KNOP1: variants seen among roughly 807,000 people sequenced by gnomAD.
KNOP1 encodes lysine-rich nucleolar protein 1.
Under a neutral mutation model 30.6 loss-of-function variants are expected in KNOP1, and 20 were observed. That is an observed-to-expected ratio of 0.65 (90% CI 0.46 to 0.95). The LOEUF (loss-of-function observed/expected upper bound fraction) is 0.95. KNOP1 is among the 40% of genes least tolerant of loss of function. The pLI, the probability that KNOP1 is intolerant of heterozygous loss-of-function variation, is 0.00. For synonymous variants in KNOP1, 204 were observed against 210.0 expected (o/e 0.97, Z 0.25); for missense variants, 540 against 562.0 (o/e 0.96, Z 0.40).
In KNOP1 at chr16:19,704,573, C is replaced by T. The variant is rs146046569; in HGVS notation, c.*2337G>A. ...GCCACCACACTCCAGCCTGCGCGAC[C>T]GTGAGACTCCATCTCAAAAAAAAAG... On this transcript the variant is annotated 3_prime_UTR_variant, in exon 5 of 5. Coordinates refer to ENST00000219837, the MANE Select transcript of KNOP1 (RefSeq NM_001012991.3). 1,171 of 152,244 alleles carry T rather than the reference C, an allele frequency of 7.7e-3. 13 individuals carry two copies. The highest frequency in any genetic ancestry group is 0.027 in the African/African-American group (1,103 of 41,532). The allele number at this position is 152,244 out of a possible 1,614,324, so 9.4% of individuals were successfully genotyped here.
Position 19,714,426 on chromosome 16 carries a change from T to G in KNOP1, c.610A>C (p.Ser204Arg). Residue 204 changes from serine (S) to arginine (R), a missense_variant, in exon 2 of 5, where the codon AGC becomes CGC. Physicochemically the swap from Ser to Arg is moderately radical, Grantham distance 110 (BLOSUM62 -1). Coordinates refer to ENST00000219837, the MANE Select transcript of KNOP1 (RefSeq NM_001012991.3). ...ACCTTCCCATTGTGTTCTCTGGGGC[T>G]CTTCCGCTTCCGTTTCTGCCCCAAG... ...AALGQKRKRK[S>R]PREHNGKVKK... 6.2e-7 allele frequency: 1 copy of G among 1,613,970 alleles called. No individual in the cohort carries two copies.
chr16:19,709,031 A>G (rs969614133), intron 4 of KNOP1, among the ~76,000 whole-genome samples: 3 of 152,100 alleles, frequency 2.0e-5, no homozygotes, highest in Non-Finnish European at 2.9e-5. Flanking sequence ...GCTCCGAATC[A>G]CACTGCCTTT....
intron 3 of KNOP1, among the ~76,000 whole-genome samples, chr16:19,711,022 A>G (rs1489594294): frequency 1.3e-5 from 2 of 152,204 alleles, no homozygotes; most frequent in African/African-American, 4.8e-5. Flanking sequence ...ATTCACAACA[A>G]AACTTCTCCT....
intron 1 of KNOP1, among the ~76,000 whole-genome samples, chr16:19,715,958 T>C (rs1977038371): frequency 6.6e-6 from 1 of 152,096 alleles, no homozygotes; most frequent in Non-Finnish European, 1.5e-5. Context: ...TCCCAAAATA[T>C]TTCATAGCAA....
In KNOP1 at chr16:19,705,493, C is replaced by A. The variant is rs1486294765; in HGVS notation, c.*1417G>T. On this transcript the variant is annotated 3_prime_UTR_variant, in exon 5 of 5. Coordinates refer to ENST00000219837, the MANE Select transcript of KNOP1 (RefSeq NM_001012991.3). ...AACGCTGTCCCCACAGCCGATGAGGCAACTTCCCGTGTCATCTCCACACGT... is the reference window on the plus strand; with the variant it reads ...AACGCTGTCCCCACAGCCGATGAGGAAACTTCCCGTGTCATCTCCACACGT... The A allele has an allele frequency of 3.2e-6, 1 of 316,720 alleles. No homozygotes were observed. Among genetic ancestry groups the A allele is most frequent in the Non-Finnish European group, 6.2e-6 (1 of 160,260 alleles). The allele number at this position is 316,720 out of a possible 1,614,324, so 19.6% of individuals were successfully genotyped here.
At chr16:19,712,421 G>T (rs892213464) in intron 2 of KNOP1, among the ~76,000 whole-genome samples, 1 of 152,068 alleles carries the variant, frequency 6.6e-6, no homozygotes. Context: ...TGGGGTTTAT[G>T]CTAATGGAAA....
chr16:19,709,012 G>A (rs1025800711), intron 4 of KNOP1, among the ~76,000 whole-genome samples: 2 of 152,100 alleles, frequency 1.3e-5, no homozygotes, highest in African/African-American at 2.4e-5. Context: ...ACAGCCCCCC[G>A]GGACATCGGC....
chr16:19,714,469 C>T lies in KNOP1; in HGVS notation c.567G>A (p.Lys189=), dbSNP rs1567519021. 3.1e-6 allele frequency: 5 copies of T among 1,614,146 alleles called. No individual in the cohort carries two copies. In the East Asian group the frequency reaches 8.9e-5, roughly 29 times the overall value. Reference sequence around the variant, plus strand: ...GCCCCAAGGCTGCCTGTTCCTCATCCTTCTTCCCCACTGAGCAAGTGTCCC... The same window carrying T: ...GCCCCAAGGCTGCCTGTTCCTCATCTTTCTTCCCCACTGAGCAAGTGTCCC... ...DVGDTCSVGK[K]DEEQAALGQK... Residue 189 remains lysine (K), a synonymous_variant, in exon 2 of 5, where the codon AAG becomes AAA. Coordinates refer to ENST00000219837, the MANE Select transcript of KNOP1 (RefSeq NM_001012991.3).
rs766142418 is a variant in KNOP1 at position 19,714,361 on chromosome 16, G to A, written c.675C>T (p.Leu225=). The A allele has an allele frequency of 1.2e-5, 20 of 1,613,986 alleles. No homozygotes were observed. Among genetic ancestry groups the A allele is most frequent in the Non-Finnish European group, 1.7e-5 (20 of 1,179,992 alleles). Residue 225 remains leucine (L), a synonymous_variant, in exon 2 of 5, where the codon CTC becomes CTT. Transcript: ENST00000219837. ...KKKIHQEGDA[L]PGHSKPSRSM... ...ACCTGGAGGGCTTGGAGTGGCCTGG[G>A]AGGGCATCTCCCTCCTGGTGGATTT...
chr16:19,714,752 TTC>T lies in KNOP1; in HGVS notation c.282_283del (p.Lys95ValfsTer22). The T allele has an allele frequency of 6.2e-7, 1 of 1,614,208 alleles. No individual in the cohort carries two copies. Among genetic ancestry groups the T allele is most frequent in the Non-Finnish European group, 8.5e-7 (1 of 1,180,040 alleles). On this transcript the variant is annotated frameshift_variant, in exon 2 of 5. Coordinates refer to ENST00000219837, the MANE Select transcript of KNOP1 (RefSeq NM_001012991.3). LOFTEE classifies it high-confidence loss of function. ...CACCTGCTTCCTGAGGCTGGGTGACTTCTCTGTCCGTCTAGCAGGCAGCGTGG... is the reference window on the plus strand; with the variant it reads ...CACCTGCTTCCTGAGGCTGGGTGACTTCTGTCCGTCTAGCAGGCAGCGTGG...
intron 1 of KNOP1, chr16:19,717,411 G>A (rs1977209707): frequency 2.0e-6 from 2 of 985,444 alleles, no homozygotes. Context: ...AGTCAAGAGA[G>A]CCAAGACGAC....
intron 4 of KNOP1, among the ~76,000 whole-genome samples, chr16:19,708,366 C>T (rs1047858906): frequency 9.9e-5 from 15 of 152,048 alleles, no homozygotes; most frequent in African/African-American, 3.6e-4. Context: ...AACTCACCTC[C>T]CAAGAAGACT....
In KNOP1 at chr16:19,711,793, C is replaced by A. The variant is rs546700387; in HGVS notation, c.919-353G>T. 4.1e-5 allele frequency: 13 copies of A among 320,116 alleles called. No individual in the cohort carries two copies. In the South Asian group the frequency reaches 4.1e-4, roughly 10 times the overall value. The allele number at this position is 320,116 out of a possible 1,614,324, so 19.8% of individuals were successfully genotyped here. A position where few individuals can be genotyped will look rare whatever the true frequency, so the allele number is the denominator to read the frequency against. ...CCTTTCCCACTACACACGTCACCTA[C>A]CTCCTACGGTGACACCAAACTACAG... is the stretch of plus-strand genomic sequence containing the variant. On this transcript the variant is annotated intron_variant, in intron 2 of 4. Transcript: ENST00000219837.
chr16:19,709,701 C>T (rs1009856620), intron 4 of KNOP1, among the ~76,000 whole-genome samples: 1 of 149,882 alleles, frequency 6.7e-6, no homozygotes, highest in African/African-American at 2.6e-5. Flanking sequence ...ACGCTCTTCC[C>T]CCTGTCTCCT....
chr16:19,711,340 C>T (rs1428025585), intron 3 of KNOP1, 32 bp downstream of exon 3: 10 of 1,609,424 alleles, frequency 6.2e-6, no homozygotes, highest in Middle Eastern at 1.9e-4. Flanking sequence ...CAGGAGGCAG[C>T]GGGAGGGGCC....
chr16:19,704,889 A>G lies in KNOP1; in HGVS notation c.*2021T>C. The G allele has an allele frequency of 3.6e-6, 1 of 280,022 alleles. No homozygotes were observed. Among genetic ancestry groups the G allele is most frequent in the Non-Finnish European group, 7.0e-6 (1 of 142,018 alleles). 17.3% of individuals were successfully genotyped at this position (280,022 alleles called of 1,614,324 possible). On this transcript the variant is annotated 3_prime_UTR_variant, in exon 5 of 5. Transcript: ENST00000219837. ...CCAATGCTTGCGGATCAGGGTTCAG[A>G]GCCAGGGAAACTGCCTGAAGTGCCT...
At chr16:19,711,485 A>G in intron 2 of KNOP1, 45 bp from the exon 3 acceptor site, 1 of 1,585,084 alleles carries the variant, frequency 6.3e-7, no homozygotes, top group Non-Finnish European at 8.7e-7. Context: ...TTTACAATGA[A>G]TGGCCTCTGC....
chr16:19,714,802 G>C lies in KNOP1; in HGVS notation c.234C>G (p.Cys78Trp). 6.2e-7 allele frequency: 1 copy of C among 1,614,062 alleles called. No individual in the cohort carries two copies. Among genetic ancestry groups the C allele is most frequent in the Non-Finnish European group, 8.5e-7 (1 of 1,180,012 alleles). ...TGGTCTCAGGTTCTACATGCTCCTC[G>C]CAAAGGGTGCTGACACCCTTCTTTT... is the stretch of plus-strand genomic sequence containing the variant. The part of the protein sequence containing the change: ...KKKKKGVSTL[C>W]EEHVEPETTL... The change falls in exon 2 of 5, where the codon TGC becomes TGG. Residue 78 changes from cysteine to tryptophan, a missense_variant. Transcript: ENST00000219837.
chr16:19,710,203 G>T, intron 4 of KNOP1: 1 of 441,110 alleles, frequency 2.3e-6, no homozygotes. Flanking sequence ...ACTGGCAAGA[G>T]CTCGCTGGAA....
Sources: allele counts gnomAD v4.1 joint callset (sites outside exome capture counted in the v4.1 genomes callset), GRCh38; gene constraint gnomAD v4.1.1; transcripts MANE v1.5; gene names NCBI Gene and HGNC (gene_info 2026-07-23, HGNC 2026-07-21).